Variants in TEX10 observed in about 807,000 individuals in gnomAD.
TEX10 encodes the protein testis-expressed protein 10.
Under a neutral mutation model 104.4 loss-of-function variants are expected in TEX10, and 24 were observed. The observed-to-expected ratio is 0.23, with a 90% CI of 0.17 to 0.32. The LOEUF (loss-of-function observed/expected upper bound fraction) is 0.32, where lower values mean the gene tolerates loss of function less well. TEX10 is among the 10% of genes least tolerant of loss of function. The probability of loss-of-function intolerance (pLI) is 1.00; values close to 1 mark genes in which losing one functional copy is unlikely to be tolerated. For missense variants in TEX10, 921 were observed against 1,083.9 expected (o/e 0.85, Z 2.11); for synonymous variants, 396 against 393.4 (o/e 1.01, Z -0.08).
At chr9:100,339,702 T>A (rs1050993204) in intron 5 of TEX10, among the ~76,000 whole-genome samples, 5 of 152,188 alleles carry the variant, frequency 3.3e-5, no homozygotes, top group African/African-American at 1.2e-4. Context: ...TTGTCAAATT[T>A]TATTACATAA....
intron 14 of TEX10, among the ~76,000 whole-genome samples, chr9:100,302,925 A>ACCCC (rs1290876077): frequency 9.1e-6 from 1 of 109,502 alleles, no homozygotes; most frequent in African/African-American, 3.6e-5. Context: ...CACTTTTTTA[A>ACCCC]CCGCCCCCCC....
chr9:100,320,450 A>T, intron 10 of TEX10, 52 bp from the exon 11 acceptor site: 1 of 1,530,238 alleles, frequency 6.5e-7, no homozygotes, highest in South Asian at 1.3e-5. Context: ...AACAAAAAAC[A>T]ATGACTTTCT....
chr9:100,352,759 G>A lies in TEX10; in HGVS notation c.-10+13C>T. On this transcript the variant is annotated intron_variant, in intron 1 of 14. Coordinates refer to ENST00000374902, the MANE Select transcript of TEX10 (RefSeq NM_017746.4). Reference sequence around the variant, plus strand: ...CCCGGGAGGACCCGGCCCGACGGGCGACGGCCGCTTACCTGAGGACCCGGC... The same window carrying A: ...CCCGGGAGGACCCGGCCCGACGGGCAACGGCCGCTTACCTGAGGACCCGGC... The A allele has an allele frequency of 8.7e-7, 1 of 1,150,954 alleles. No homozygotes were observed. The highest frequency in any genetic ancestry group is 1.1e-6 in the Non-Finnish European group (1 of 937,618). The allele number at this position is 1,150,954 out of a possible 1,614,324, so 71.3% of individuals were successfully genotyped here. A position where few individuals can be genotyped will look rare whatever the true frequency, so the allele number is the denominator to read the frequency against.
intron 11 of TEX10, among the ~76,000 whole-genome samples, chr9:100,311,079 T>A (rs966954834): frequency 6.6e-6 from 1 of 152,178 alleles, no homozygotes; most frequent in African/African-American, 2.4e-5. Flanking sequence ...GCAATCATTT[T>A]TTCCCCCCAA....
intron 11 of TEX10, among the ~76,000 whole-genome samples, chr9:100,312,474 A>C (rs1243846031): frequency 6.6e-6 from 1 of 152,230 alleles, no homozygotes; most frequent in Non-Finnish European, 1.5e-5. Context: ...AAGAAACAGG[A>C]TATAACTAGA....
chr9:100,330,271 T>C, intron 5 of TEX10, 102 bp from the exon 6 acceptor site: 1 of 931,424 alleles, frequency 1.1e-6, no homozygotes, highest in East Asian at 2.4e-5. Flanking sequence ...AAAAATTCCC[T>C]TCTAGAATTA....
chr9:100,323,014 G>A (rs951827997), intron 9 of TEX10, among the ~76,000 whole-genome samples: 2 of 152,138 alleles, frequency 1.3e-5, no homozygotes, highest in African/African-American at 4.8e-5. Context: ...GGGGACAATA[G>A]CACATGCTAA....
At chr9:100,339,268 A>AGTGT (rs1229313791) in intron 5 of TEX10, among the ~76,000 whole-genome samples, 1 of 125,452 alleles carries the variant, frequency 8.0e-6, no homozygotes, top group Non-Finnish European at 1.6e-5. Context: ...AAAAAAAAAA[A>AGTGT]AAAAAAGTAT....
intron 12 of TEX10, 98 bp from the exon 13 acceptor site, chr9:100,308,779 T>C: frequency 8.3e-7 from 1 of 1,209,360 alleles, no homozygotes; most frequent in Non-Finnish European, 1.1e-6. Context: ...TTTACATTAT[T>C]TCTACTGAAA....
intron 5 of TEX10, among the ~76,000 whole-genome samples, chr9:100,336,025 G>A (rs1834998854): frequency 6.6e-6 from 1 of 151,484 alleles, no homozygotes; most frequent in African/African-American, 2.4e-5. Context: ...AAATTAGCCG[G>A]GCATAGTGGC....
chr9:100,334,561 TAGAC>T (rs1250238194), intron 5 of TEX10, among the ~76,000 whole-genome samples: 1 of 152,070 alleles, frequency 6.6e-6, no homozygotes, highest in Non-Finnish European at 1.5e-5. Context: ...TTCACAGTGG[TAGAC>T]AGAAGTTTAC....
chr9:100,310,760 T>TTGC, intron 11 of TEX10, among the ~76,000 whole-genome samples: 1 of 152,318 alleles, frequency 6.6e-6, no homozygotes, highest in East Asian at 1.9e-4. Context: ...TAATACCTAC[T>TTGC]TGCTCTACAT....
At chr9:100,304,283 G>A (rs1834089659) in intron 13 of TEX10, 1 of 221,268 alleles carries the variant, frequency 4.5e-6, no homozygotes, top group African/African-American at 2.3e-5. Flanking sequence ...AAGCCAGAAT[G>A]GCCAAAGCAA....
intron 11 of TEX10, among the ~76,000 whole-genome samples, chr9:100,311,696 A>T (rs903419954): frequency 6.6e-6 from 1 of 152,234 alleles, no homozygotes; most frequent in Non-Finnish European, 1.5e-5. Context: ...AGTTAGAAGT[A>T]AAACCCCTAG....
chr9:100,348,161 C>T (rs1835348826), intron 2 of TEX10, among the ~76,000 whole-genome samples: 1 of 152,170 alleles, frequency 6.6e-6, no homozygotes, highest in South Asian at 2.1e-4. Flanking sequence ...AAGTAAAAGG[C>T]CAGTAACAAA....
At chr9:100,310,801 G>C (rs1312073471) in intron 11 of TEX10, among the ~76,000 whole-genome samples, 2 of 152,116 alleles carry the variant, frequency 1.3e-5, no homozygotes, top group Non-Finnish European at 2.9e-5. Flanking sequence ...AAATTATTTT[G>C]AAGATGCAAA....
intron 11 of TEX10, among the ~76,000 whole-genome samples, chr9:100,312,969 T>G (rs1244481835): frequency 1.3e-5 from 2 of 151,984 alleles, no homozygotes; most frequent in African/African-American, 4.8e-5. Flanking sequence ...TCCCTAGAGA[T>G]AGGAAGAACA....
rs1587744834 is a variant in TEX10, at chr9:100,347,055, G to A, written c.532C>T (p.Arg178Cys). ...LEQYPALITG[R>C]SSILLKNFVE... Reference sequence around the variant, plus strand: ...AAATTCTTAAGCAATATGCTGCTACGGCCAGTAATTAGAGCTGGGTACTGT... The same window carrying A: ...AAATTCTTAAGCAATATGCTGCTACAGCCAGTAATTAGAGCTGGGTACTGT... Residue 178 changes from arginine to cysteine, a missense_variant, in exon 3 of 15, where the codon CGT becomes TGT. Around this residue, in one of 3 missense-constraint regions of TEX10, gnomAD observed 50 missense variants for 104.2 expected, o/e 0.48. Coordinates refer to ENST00000374902, the MANE Select transcript of TEX10 (RefSeq NM_017746.4). 5 of 1,614,100 alleles carry A rather than the reference G, an allele frequency of 3.1e-6. No homozygotes were observed. The highest frequency in any genetic ancestry group is 2.2e-5 in the South Asian group (2 of 91,070).
At chr9:100,310,186 G>C in intron 12 of TEX10, 113 bp downstream of exon 12, 2 of 834,904 alleles carry the variant, frequency 2.4e-6, no homozygotes, top group Non-Finnish European at 3.9e-6. Context: ...AAGAGACTAT[G>C]ATATCATTAA....
Sources: allele counts gnomAD v4.1 joint callset (sites outside exome capture counted in the v4.1 genomes callset), GRCh38; gene constraint gnomAD v4.1.1; regional missense constraint gnomAD v4.1.1; transcripts MANE v1.5; gene names NCBI Gene and HGNC (gene_info 2026-07-23, HGNC 2026-07-21).